The following TBX15 variants were observed in gnomAD, a reference collection of about 807,000 sequenced individuals.
TBX15 encodes the protein T-box transcription factor 15.
A neutral mutation model predicts 53.9 loss-of-function variants in TBX15; 18 were observed. The ratio of observed to expected loss-of-function variants is 0.33; its 90% CI spans 0.23 to 0.49. The LOEUF (loss-of-function observed/expected upper bound fraction) is 0.49. Among genes scored for constraint, TBX15 ranks in the 20% least tolerant of loss-of-function variants. The pLI is 0.98. For missense variants in TBX15, 692 were observed against 749.5 expected (o/e 0.92, Z 0.90); for synonymous variants, 295 against 278.0 (o/e 1.06, Z -0.61).
chr1:118,970,753 C>G (rs1435576826), intron 1 of TBX15, among the ~76,000 whole-genome samples: 3 of 152,128 alleles, frequency 2.0e-5, no homozygotes, highest in Non-Finnish European at 4.4e-5. Flanking sequence ...ATTTCTCACC[C>G]CTCCATTTGC....
At chr1:118,933,739 C>G (rs1655877597) in intron 1 of TBX15, among the ~76,000 whole-genome samples, 1 of 152,090 alleles carries the variant, frequency 6.6e-6, no homozygotes, top group South Asian at 2.1e-4. Flanking sequence ...TATTTTGTGT[C>G]TGGGATATTT....
At chr1:118,976,215 A>T (rs548909506) in intron 1 of TBX15, among the ~76,000 whole-genome samples, 19 of 151,966 alleles carry the variant, frequency 1.3e-4, no homozygotes, top group Admixed American at 9.2e-4. Context: ...TGTTCCTCTA[A>T]AAAAAAACTT....
rs759914378 is a variant in TBX15 at position 118,931,602 on chromosome 1, A to G, written c.419+17T>C. 1.3e-5 allele frequency: 21 copies of G among 1,613,652 alleles called. No homozygotes were observed. The South Asian group carries it at 2.0e-4, about 15-fold the overall frequency. On this transcript the variant is annotated intron_variant, in intron 2 of 7. Coordinates refer to ENST00000369429, the MANE Select transcript of TBX15 (RefSeq NM_001330677.2). ...CAAATTCTTTGAATCTGGCCACTCA[A>G]AGGAATTTGTCCTTACCTGCCTGCT...
chr1:118,901,545 A>G (rs913786119), intron 6 of TBX15: 1 of 394,714 alleles, frequency 2.5e-6, no homozygotes, highest in African/African-American at 2.1e-5. Context: ...TTATTTAAGC[A>G]GTTAACTCTA....
chr1:118,965,560 A>G (rs772390033), intron 1 of TBX15, among the ~76,000 whole-genome samples: 15 of 152,214 alleles, frequency 9.9e-5, no homozygotes, highest in Non-Finnish European at 1.8e-4. Context: ...CTTCAACTGT[A>G]CAACTCTACT....
At chr1:118,975,873 C>A (rs1428542557) in intron 1 of TBX15, among the ~76,000 whole-genome samples, 1 of 152,172 alleles carries the variant, frequency 6.6e-6, no homozygotes, top group Non-Finnish European at 1.5e-5. Flanking sequence ...CTAATTTGAA[C>A]ACTGAGACCT....
At chr1:118,912,871 T>C (rs532553062) in intron 6 of TBX15, among the ~76,000 whole-genome samples, 62 of 152,340 alleles carry the variant, frequency 4.1e-4, no homozygotes, top group Admixed American at 2.2e-3. Context: ...AAGTAGTTGC[T>C]TGACCAAAAA....
At chr1:118,974,720 T>C (rs1657362748) in intron 1 of TBX15, among the ~76,000 whole-genome samples, 1 of 152,206 alleles carries the variant, frequency 6.6e-6, no homozygotes, top group Admixed American at 6.5e-5. Flanking sequence ...CAAACAAGGC[T>C]ACTCTAAATA....
At chr1:118,979,998 C>T (rs1226260832) in intron 1 of TBX15, among the ~76,000 whole-genome samples, 2 of 152,268 alleles carry the variant, frequency 1.3e-5, no homozygotes, top group South Asian at 4.1e-4. Flanking sequence ...GGGCCGAGGG[C>T]GGGCAGACGC....
At chr1:118,896,826 G>A (rs899675786) in intron 7 of TBX15, among the ~76,000 whole-genome samples, 3 of 152,136 alleles carry the variant, frequency 2.0e-5, no homozygotes, top group African/African-American at 7.2e-5. Flanking sequence ...GGGTGTTGTT[G>A]GTTTTACATC....
At chr1:118,920,352 A>G (rs933302121) in intron 5 of TBX15, among the ~76,000 whole-genome samples, 3 of 152,186 alleles carry the variant, frequency 2.0e-5, no homozygotes, top group African/African-American at 7.2e-5. Flanking sequence ...ATTTTCACTG[A>G]ATTTTTGAAG....
At chr1:118,897,592 C>G (rs1004601779) in intron 7 of TBX15, among the ~76,000 whole-genome samples, 1 of 152,078 alleles carries the variant, frequency 6.6e-6, no homozygotes, top group Admixed American at 6.6e-5. Context: ...TTCCTCACAC[C>G]AAAAAATTAT....
chr1:118,922,380 C>T (rs1250900627), intron 5 of TBX15, among the ~76,000 whole-genome samples: 2 of 152,134 alleles, frequency 1.3e-5, no homozygotes, highest in African/African-American at 4.8e-5. Flanking sequence ...TTCTATGCCC[C>T]GCTTTTCATG....
At position 118,926,538 on chromosome 1, in the gene TBX15, T is replaced by G. The variant is rs200689686; in HGVS notation, c.493A>C (p.Ile165Leu). The change falls in exon 3 of 8, where the codon ATT becomes CTT. Residue 165 changes from isoleucine to leucine, a missense_variant. Physicochemically the swap from Ile to Leu is conservative, Grantham distance 5 (BLOSUM62 2). Coordinates refer to ENST00000369429, the MANE Select transcript of TBX15 (RefSeq NM_001330677.2). ...TATCTTTTATTGTCCACAGGCACAA[T>G]GTCCATTGCTATGTAGTACTGCTGA... Reference protein sequence around the residue: ...PHQQYYIAMDIVPVDNKRYRY... With the variant: ...PHQQYYIAMDLVPVDNKRYRY... The G allele has an allele frequency of 2.1e-5, 34 of 1,613,922 alleles. No individual in the cohort carries two copies. In the East Asian group the frequency reaches 6.5e-4, roughly 31 times the overall value.
At chr1:118,957,064 T>C (rs1037695721) in intron 1 of TBX15, among the ~76,000 whole-genome samples, 10 of 152,200 alleles carry the variant, frequency 6.6e-5, no homozygotes, top group African/African-American at 2.4e-4. Flanking sequence ...GAATGGGTTC[T>C]CTAGTTCCTG....
At chr1:118,929,286 A>G (rs1275334121) in intron 2 of TBX15, among the ~76,000 whole-genome samples, 1 of 152,228 alleles carries the variant, frequency 6.6e-6, no homozygotes, top group Non-Finnish European at 1.5e-5. Flanking sequence ...CATCTAAGTA[A>G]GAAAAAGGAG....
At chr1:118,983,333 T>C (rs1364538952) in intron 1 of TBX15, among the ~76,000 whole-genome samples, 2 of 152,216 alleles carry the variant, frequency 1.3e-5, no homozygotes, top group Non-Finnish European at 2.9e-5. Context: ...AGGTTACAAT[T>C]ACTTCCCTTT....
At chr1:118,928,290 C>G (rs1655666738) in intron 2 of TBX15, among the ~76,000 whole-genome samples, 1 of 152,122 alleles carries the variant, frequency 6.6e-6, no homozygotes, top group Admixed American at 6.5e-5. Flanking sequence ...ACTATTTCAT[C>G]TTTCTCACCT....
intron 7 of TBX15, among the ~76,000 whole-genome samples, chr1:118,892,678 A>G (rs1654189456): frequency 6.6e-6 from 1 of 152,178 alleles, no homozygotes. Context: ...TTTTTCTCCT[A>G]CTGGGTTTAT....
Sources: gnomAD v4.1 joint callset for allele counts (sites outside exome capture counted in the v4.1 genomes callset) on GRCh38, gnomAD v4.1.1 for gene constraint, MANE v1.5 for transcripts, NCBI Gene and HGNC (gene_info 2026-07-23, HGNC 2026-07-21) for gene names.